The following MEF2A variants were observed in gnomAD, a reference collection of about 807,000 sequenced individuals.
MEF2A encodes myocyte-specific enhancer factor 2A.
Under a neutral mutation model 55.8 loss-of-function variants are expected in MEF2A, and 28 were observed. That is an observed-to-expected ratio of 0.50 (90% CI 0.37 to 0.69). The LOEUF (loss-of-function observed/expected upper bound fraction) is 0.69, where lower values mean the gene tolerates loss of function less well. MEF2A is among the 30% of genes least tolerant of loss of function. The probability of loss-of-function intolerance (pLI) is 0.00; values close to 1 mark genes in which losing one functional copy is unlikely to be tolerated. For missense variants in MEF2A, 528 were observed against 626.2 expected, an observed-to-expected ratio of 0.84 and a Z score of 1.67; for synonymous variants, 239 against 227.1, an observed-to-expected ratio of 1.05 and a Z score of -0.47.
At chr15:99,686,178 T>C (rs2054176826) in intron 7 of MEF2A, among the ~76,000 whole-genome samples, 1 of 152,208 alleles carries the variant, frequency 6.6e-6, no homozygotes, top group Admixed American at 6.5e-5. Flanking sequence ...TTTTAACCAT[T>C]CTGCCATTCT....
At chr15:99,688,797 C>T (rs2054811192) in intron 7 of MEF2A, among the ~76,000 whole-genome samples, 1 of 152,106 alleles carries the variant, frequency 6.6e-6, no homozygotes, top group Non-Finnish European at 1.5e-5. Context: ...AATGCTTCCT[C>T]AGGCACAGTT....
intron 1 of MEF2A, among the ~76,000 whole-genome samples, chr15:99,593,393 A>G (rs1970026218): frequency 6.6e-6 from 1 of 152,056 alleles, no homozygotes; most frequent in African/African-American, 2.4e-5. Flanking sequence ...AGTTTTATAT[A>G]TTTTATCAGT....
At chr15:99,654,679 G>A (rs1358766554) in intron 4 of MEF2A, among the ~76,000 whole-genome samples, 1 of 152,104 alleles carries the variant, frequency 6.6e-6, no homozygotes, top group East Asian at 1.9e-4. Flanking sequence ...CTTTGCCCAT[G>A]CATCATTGTC....
chr15:99,624,012 G>C (rs1779140596), intron 2 of MEF2A, among the ~76,000 whole-genome samples: 9 of 151,982 alleles, frequency 5.9e-5, no homozygotes, highest in Admixed American at 5.9e-4. Flanking sequence ...CACTATGTTG[G>C]TCAGTCTGAT....
At chr15:99,566,935 T>C (rs1959888934) in intron 1 of MEF2A, among the ~76,000 whole-genome samples, 1 of 151,238 alleles carries the variant, frequency 6.6e-6, no homozygotes, top group South Asian at 2.1e-4. Flanking sequence ...GCAGAAAATA[T>C]TTTTTGTGTT....
At chr15:99,660,903 A>G (rs888981572) in intron 4 of MEF2A, among the ~76,000 whole-genome samples, 13 of 152,248 alleles carry the variant, frequency 8.5e-5, no homozygotes, top group Non-Finnish European at 1.8e-4. Flanking sequence ...AAGAACTTCA[A>G]CAACTGATTC....
intron 2 of MEF2A, among the ~76,000 whole-genome samples, chr15:99,601,514 T>G (rs982272910): frequency 5.9e-5 from 9 of 151,266 alleles, no homozygotes; most frequent in Admixed American, 4.6e-4. Flanking sequence ...GTCAGAGTTT[T>G]TTTTTTTTTT....
chr15:99,667,852 A>G (rs1298441159), intron 4 of MEF2A, among the ~76,000 whole-genome samples: 1 of 152,216 alleles, frequency 6.6e-6, no homozygotes, highest in Non-Finnish European at 1.5e-5. Flanking sequence ...CCAAGGTACA[A>G]ACCCCCTAGA....
upstream of MEF2A, chr15:99,565,463 C>G (rs935453381): frequency 2.0e-5 from 3 of 146,542 alleles, no homozygotes; most frequent in African/African-American, 7.4e-5. Flanking sequence ...CCTGGGCTCC[C>G]GGGGGCTGGT....
intron 6 of MEF2A, among the ~76,000 whole-genome samples, chr15:99,675,034 T>C (rs1338971680): frequency 6.6e-6 from 1 of 152,204 alleles, no homozygotes; most frequent in Non-Finnish European, 1.5e-5. Context: ...GTTACATTTA[T>C]TGTATTAGTC....
intron 1 of MEF2A, among the ~76,000 whole-genome samples, chr15:99,586,287 G>A (rs1338092918): frequency 6.6e-6 from 1 of 152,098 alleles, no homozygotes; most frequent in Non-Finnish European, 1.5e-5. Flanking sequence ...TGATTTTACA[G>A]TCCCATCAGT....
Position 99,670,624 on chromosome 15 carries a change from A to G in MEF2A, c.259-699A>G, listed in dbSNP as rs376492510. Among the ~76,000 whole-genome samples the G allele has an allele frequency of 2.6e-5, 4 of 152,316 alleles. No homozygotes were observed. In the South Asian group the frequency reaches 6.2e-4, roughly 24 times the overall value. ...GACTCCGTCTCAAAAAAGAAAAAAA[A>G]AAAGAAAAGACAGTTCTCCAGAAAG... On this transcript the variant is annotated intron_variant, in intron 4 of 11. Coordinates refer to ENST00000557942, the MANE Select transcript of MEF2A (RefSeq NM_001319206.4).
chr15:99,619,941 A>G (rs2040852180), intron 2 of MEF2A, among the ~76,000 whole-genome samples: 1 of 152,228 alleles, frequency 6.6e-6, no homozygotes, highest in Non-Finnish European at 1.5e-5. Context: ...GAAATTGCAC[A>G]AGATAGTAAA....
chr15:99,634,843 T>C (rs2043510060), intron 3 of MEF2A, among the ~76,000 whole-genome samples: 1 of 152,214 alleles, frequency 6.6e-6, no homozygotes, highest in Non-Finnish European at 1.5e-5. Flanking sequence ...TGAATTTCTG[T>C]CTCAGATAAT....
intron 7 of MEF2A, among the ~76,000 whole-genome samples, chr15:99,680,588 A>C (rs1409425569): frequency 2.0e-5 from 3 of 152,254 alleles, no homozygotes; most frequent in Non-Finnish European, 4.4e-5. Context: ...GTAAGTTAGA[A>C]TAAGCAAAGC....
Position 99,712,565 on chromosome 15 carries a change from C to G in MEF2A, c.1312C>G (p.Gln438Glu). Reference sequence around the variant, plus strand: ...GCCGCCACCACCGCAGCCCCAGCCACAACCCCCGCAGCCCCAGCCCCGACA... The same window carrying G: ...GCCGCCACCACCGCAGCCCCAGCCAGAACCCCCGCAGCCCCAGCCCCGACA... ...QPPPPPQPQPQPPQPQPRQEM... is the reference protein window; with the variant it reads ...QPPPPPQPQPEPPQPQPRQEM... The change falls in exon 12 of 12, where the codon CAA becomes GAA. Residue 438 changes from glutamine (Q) to glutamate (E), a missense_variant. Physicochemically the swap from Gln to Glu is conservative, Grantham distance 29 (BLOSUM62 2). Coordinates refer to ENST00000557942, the MANE Select transcript of MEF2A (RefSeq NM_001319206.4). The surrounding 1 kb of genome is among the most constrained non-coding windows in gnomAD (Gnocchi z 4.1). 6.4e-7 allele frequency: 1 copy of G among 1,550,738 alleles called. No individual in the cohort carries two copies. Among genetic ancestry groups the G allele is most frequent in the Non-Finnish European group, 8.7e-7 (1 of 1,146,490 alleles).
intron 3 of MEF2A, among the ~76,000 whole-genome samples, chr15:99,640,543 CTCTTTTCTT>C (rs2044693823): frequency 1.3e-5 from 2 of 150,594 alleles, no homozygotes; most frequent in African/African-American, 2.4e-5. Flanking sequence ...CTCCCCTCCC[CTCTTTTCTT>C]TCTTTTCTTT....
chr15:99,578,836 C>T (rs942625843), intron 1 of MEF2A, among the ~76,000 whole-genome samples: 2 of 152,152 alleles, frequency 1.3e-5, no homozygotes, highest in Non-Finnish European at 2.9e-5. Flanking sequence ...GAACTTAAAC[C>T]TGATTAAAAC....
At position 99,602,731 on chromosome 15, in the gene MEF2A, G is replaced by GT. The variant is rs1567204285; in HGVS notation, c.-143+4220_-143+4221insT. Among the ~76,000 whole-genome samples the GT allele has an allele frequency of 5.6e-4, 10 of 17,838 alleles. 1 individual carries two copies. The highest frequency in any genetic ancestry group is 1.3e-3 in the African/African-American group (10 of 7,728). The allele number at this position is 17,838 out of a possible 152,430, so 11.7% of individuals were successfully genotyped here. ...GGGGAGCTTTTTGTGTGTGTGTGTG[G>GT]GGGGGTGGGGGTGGGGAGCTTTTCG... On this transcript the variant is annotated intron_variant, in intron 2 of 11. Transcript: ENST00000557942.
Sources: gnomAD v4.1 joint callset for allele counts (sites outside exome capture counted in the v4.1 genomes callset) on GRCh38, gnomAD v4.1.1 for gene constraint, Gnocchi (gnomAD v3.1) non-coding constraint, MANE v1.5 for transcripts, NCBI Gene and HGNC (gene_info 2026-07-23, HGNC 2026-07-21) for gene names.